ADRA1B: variants seen among roughly 807,000 people sequenced by gnomAD.
ADRA1B encodes the protein alpha-1B adrenergic receptor.
In ADRA1B, 17 loss-of-function variants were observed where a neutral mutation model predicts 17.9. That is an observed-to-expected ratio of 0.95 (90% confidence interval 0.65 to 1.42). ADRA1B has a LOEUF of 1.42. ADRA1B is among the 40% of genes most tolerant of loss of function. The pLI is 0.00. For synonymous variants in ADRA1B, 366 were observed against 327.6 expected, an observed-to-expected ratio of 1.12 and a Z score of -1.27; for missense variants, 681 against 722.1, an observed-to-expected ratio of 0.94 and a Z score of 0.65.
intron 1 of ADRA1B, among the ~76,000 whole-genome samples, chr5:159,865,562 G>A (rs1233436288): frequency 6.6e-6 from 1 of 152,236 alleles, no homozygotes; most frequent in Non-Finnish European, 1.5e-5. Flanking sequence ...GAGAGTGAGT[G>A]AAAGATATAG....
chr5:159,911,010 G>C (rs1379651763), intron 1 of ADRA1B, among the ~76,000 whole-genome samples: 3 of 152,188 alleles, frequency 2.0e-5, no homozygotes, highest in African/African-American at 7.2e-5. Context: ...AAGGAAGCTT[G>C]GGAGGACTTT....
chr5:159,930,455 C>T (rs1754770627), intron 1 of ADRA1B, among the ~76,000 whole-genome samples: 1 of 152,148 alleles, frequency 6.6e-6, no homozygotes, highest in South Asian at 2.1e-4. Context: ...ATGGCAAAAC[C>T]CCTTCTCTAC....
Position 159,957,116 on chromosome 5 carries a change from C to G in ADRA1B, c.950-14763C>G, listed in dbSNP as rs141035304. ...CGAACTCCTGACCTCAAGTGATCCG[C>G]CCGCTTTGGCCTCCCAAAGTGCTGG... On this transcript the variant is annotated intron_variant, in intron 1 of 1. Coordinates refer to ENST00000306675, the MANE Select transcript of ADRA1B (RefSeq NM_000679.4). Among the ~76,000 whole-genome samples, 1,276 of 152,240 alleles carry G rather than the reference C, an allele frequency of 8.4e-3. 20 individuals are homozygous for G. The highest frequency in any genetic ancestry group is 0.029 in the African/African-American group (1,192 of 41,514).
intron 1 of ADRA1B, chr5:159,871,369 G>T (rs191934595): frequency 2.0e-5 from 3 of 152,280 alleles, no homozygotes; most frequent in East Asian, 3.9e-4. Context: ...CCACAAACTC[G>T]ATGACTTAAT....
At chr5:159,932,158 C>CT (rs1754826549) in intron 1 of ADRA1B, among the ~76,000 whole-genome samples, 4 of 151,618 alleles carry the variant, frequency 2.6e-5, no homozygotes, top group African/African-American at 9.7e-5. Flanking sequence ...TTTTTCTTTT[C>CT]TTTTTTGTTT....
At chr5:159,951,419 T>A in intron 1 of ADRA1B, 1 of 794,978 alleles carries the variant, frequency 1.3e-6, no homozygotes, top group Non-Finnish European at 2.2e-6. Context: ...AATATCCACT[T>A]TACTAGAGTT....
chr5:159,944,271 A>C (rs1366462538), intron 1 of ADRA1B, among the ~76,000 whole-genome samples: 2 of 152,150 alleles, frequency 1.3e-5, no homozygotes, highest in East Asian at 1.9e-4. Flanking sequence ...CTCGCTGGCC[A>C]CTGGCTCCTG....
the ADRA1B span, among the ~76,000 whole-genome samples, chr5:159,983,657 C>T: frequency 6.6e-6 from 1 of 152,172 alleles, no homozygotes. Context: ...TAGTGACTCC[C>T]AGGTCCTCCC....
At chr5:159,961,073 G>C (rs569981223) in intron 1 of ADRA1B, among the ~76,000 whole-genome samples, 6 of 152,192 alleles carry the variant, frequency 3.9e-5, no homozygotes, top group Non-Finnish European at 7.4e-5. Context: ...TGACAATTCA[G>C]CATTCCCAGT....
the ADRA1B span, among the ~76,000 whole-genome samples, chr5:159,986,527 AG>A: frequency 2.0e-5 from 3 of 152,340 alleles, no homozygotes; most frequent in South Asian, 4.1e-4. Context: ...GACAGCTTTT[AG>A]TACCAAGAGC....
intron 1 of ADRA1B, among the ~76,000 whole-genome samples, chr5:159,930,154 T>G (rs1469982820): frequency 6.6e-6 from 1 of 152,250 alleles, no homozygotes; most frequent in Non-Finnish European, 1.5e-5. Context: ...TTAGGTTATT[T>G]TTGGTCTTTT....
intron 1 of ADRA1B, among the ~76,000 whole-genome samples, chr5:159,961,887 C>G (rs764148369): frequency 2.0e-5 from 3 of 152,248 alleles, no homozygotes; most frequent in Non-Finnish European, 4.4e-5. Context: ...ACTGCAGTCT[C>G]TGAGCCTGCT....
chr5:159,967,465 T>C (rs1392307605), intron 1 of ADRA1B, among the ~76,000 whole-genome samples: 1 of 152,236 alleles, frequency 6.6e-6, no homozygotes, highest in African/African-American at 2.4e-5. Flanking sequence ...CACTATTTAT[T>C]ATTTTCAAGA....
At chr5:159,928,084 A>G (rs1208924066) in intron 1 of ADRA1B, among the ~76,000 whole-genome samples, 1 of 152,188 alleles carries the variant, frequency 6.6e-6, no homozygotes, top group African/African-American at 2.4e-5. Context: ...TAAATGAAGG[A>G]ATGGATCAAT....
intron 1 of ADRA1B, among the ~76,000 whole-genome samples, chr5:159,957,929 C>CAAAAAAAAAAAAAAAAAAAAAAAA (rs35956137): frequency 9.0e-5 from 6 of 66,850 alleles, no homozygotes; most frequent in Non-Finnish European, 1.3e-4. Flanking sequence ...AACCCCATCT[C>CAAAAAAAAAAAAAAAAAAAAAAAA]AAAAAAAAAA....
intron 1 of ADRA1B, among the ~76,000 whole-genome samples, chr5:159,962,903 T>TTTTC (rs1227861009): frequency 2.1e-5 from 3 of 146,244 alleles, no homozygotes; most frequent in African/African-American, 5.0e-5. Context: ...TTTCTTTTTC[T>TTTTC]TTTCTTTCTT....
chr5:159,895,690 C>T (rs1279212072), intron 1 of ADRA1B, among the ~76,000 whole-genome samples: 2 of 152,208 alleles, frequency 1.3e-5, no homozygotes, highest in African/African-American at 4.8e-5. Context: ...AAGATCATTC[C>T]CATCCTCCCT....
At chr5:159,918,870 G>C (rs552561872) in intron 1 of ADRA1B, among the ~76,000 whole-genome samples, 1 of 152,040 alleles carries the variant, frequency 6.6e-6, no homozygotes, top group Admixed American at 6.5e-5. Context: ...CTATCCCTGG[G>C]GGACACTACA....
At chr5:159,961,600 G>C (rs1366033243) in intron 1 of ADRA1B, among the ~76,000 whole-genome samples, 1 of 152,194 alleles carries the variant, frequency 6.6e-6, no homozygotes, top group Admixed American at 6.5e-5. Flanking sequence ...TTCAGCTGAG[G>C]AGATGTGGTT....
Sources: gnomAD v4.1 joint callset for allele counts (sites outside exome capture counted in the v4.1 genomes callset) on GRCh38, gnomAD v4.1.1 for gene constraint, MANE v1.5 for transcripts, NCBI Gene and HGNC (gene_info 2026-07-23, HGNC 2026-07-21) for gene names.